Variants in HS3ST2 observed in about 807,000 individuals in gnomAD.
HS3ST2 encodes the protein heparan sulfate-glucosamine 3-sulfotransferase 2, also known as heparan sulfate glucosamine 3-O-sulfotransferase 2.
Under a neutral mutation model 26.3 loss-of-function variants are expected in HS3ST2, and 17 were observed. The ratio of observed to expected loss-of-function variants is 0.65; its 90% confidence interval spans 0.44 to 0.97. The LOEUF (loss-of-function observed/expected upper bound fraction) is 0.97, where lower values mean the gene tolerates loss of function less well. Among genes scored for constraint, HS3ST2 ranks in the 50% least tolerant of loss-of-function variants. The pLI, the probability that HS3ST2 is intolerant of heterozygous loss-of-function variation, is 0.00. For synonymous variants in HS3ST2, 237 were observed against 219.2 expected (o/e 1.08, Z -0.72); for missense variants, 402 against 501.2 (o/e 0.80, Z 1.89).
intron 1 of HS3ST2, among the ~76,000 whole-genome samples, chr16:22,870,518 A>G (rs1259337685): frequency 6.6e-6 from 1 of 152,070 alleles, no homozygotes; most frequent in African/African-American, 2.4e-5. Context: ...TGAAGTCCTT[A>G]TACAGCCTCC....
Position 22,915,686 on chromosome 16 carries a change from C to A in HS3ST2, c.*124C>A. ...CAGCCCCCTTTCCCAACTTGAGTTG[C>A]ATCATCTTGGAACCAGGAAGCCCAG... On this transcript the variant is annotated 3_prime_UTR_variant, in exon 2 of 2. Coordinates refer to ENST00000261374, the MANE Select transcript of HS3ST2 (RefSeq NM_006043.2). 1 of 1,075,702 alleles carries A rather than the reference C, an allele frequency of 9.3e-7. No homozygotes were observed. The highest frequency in any genetic ancestry group is 1.3e-6 in the Non-Finnish European group (1 of 742,940). The allele number at this position is 1,075,702 out of a possible 1,614,324, so 66.6% of individuals were successfully genotyped here. A position where few individuals can be genotyped will look rare whatever the true frequency, so the allele number is the denominator to read the frequency against.
chr16:22,859,381 G>A (rs1901645486), intron 1 of HS3ST2, among the ~76,000 whole-genome samples: 1 of 152,156 alleles, frequency 6.6e-6, no homozygotes, highest in Non-Finnish European at 1.5e-5. Flanking sequence ...GATACTTTAG[G>A]AAAGATATTG....
chr16:22,836,954 A>T (rs1230775591), intron 1 of HS3ST2, among the ~76,000 whole-genome samples: 1 of 152,144 alleles, frequency 6.6e-6, no homozygotes, highest in African/African-American at 2.4e-5. Flanking sequence ...CACCATGCCC[A>T]GCCAGGACAA....
chr16:22,873,551 G>C (rs1901867559), intron 1 of HS3ST2, among the ~76,000 whole-genome samples: 3 of 152,174 alleles, frequency 2.0e-5, no homozygotes, highest in Admixed American at 1.3e-4. Context: ...CACTGTCTTT[G>C]TTAAACTTTA....
intron 1 of HS3ST2, among the ~76,000 whole-genome samples, chr16:22,914,581 T>C (rs1382947076): frequency 3.3e-5 from 5 of 150,478 alleles, no homozygotes; most frequent in African/African-American, 1.2e-4. Flanking sequence ...GGCACACACC[T>C]GTAGTCCCAG....
chr16:22,856,615 T>G (rs1196782968), intron 1 of HS3ST2, among the ~76,000 whole-genome samples: 1 of 152,168 alleles, frequency 6.6e-6, no homozygotes, highest in African/African-American at 2.4e-5. Flanking sequence ...GTTTTGAGCA[T>G]TTCTGATGGG....
chr16:22,892,587 CTT>C (rs538929442), intron 1 of HS3ST2, among the ~76,000 whole-genome samples: 193 of 152,220 alleles, frequency 1.3e-3, no homozygotes, highest in African/African-American at 4.5e-3. Context: ...TTATGTTACA[CTT>C]AGGTTGTTTC....
chr16:22,896,909 T>C (rs1596630037), intron 1 of HS3ST2, among the ~76,000 whole-genome samples: 1 of 152,168 alleles, frequency 6.6e-6, no homozygotes, highest in Non-Finnish European at 1.5e-5. Context: ...TGGGCTCAAG[T>C]GATCCTCCCA....
intron 1 of HS3ST2, among the ~76,000 whole-genome samples, chr16:22,906,560 C>G (rs1268277552): frequency 6.6e-6 from 1 of 152,166 alleles, no homozygotes; most frequent in South Asian, 2.1e-4. Flanking sequence ...GGGCTAGAGA[C>G]AGTGTACAGG....
chr16:22,895,070 C>CTTTT (rs55861016), intron 1 of HS3ST2, among the ~76,000 whole-genome samples: 2 of 134,718 alleles, frequency 1.5e-5, no homozygotes, highest in Non-Finnish European at 3.2e-5. Context: ...TTCTTTCTTT[C>CTTTT]TTTTTTTTTT....
At position 22,892,156 on chromosome 16, in the gene HS3ST2, G is replaced by A. The variant is rs368251459; in HGVS notation, c.486-22788G>A. ...ATACAAAAAGTTAGCCGGGCGTGGTGGCAGGTGCCTATAGTCCCAGCTACT... is the reference window on the plus strand; with the variant it reads ...ATACAAAAAGTTAGCCGGGCGTGGTAGCAGGTGCCTATAGTCCCAGCTACT... On this transcript the variant is annotated intron_variant, in intron 1 of 1. Coordinates refer to ENST00000261374, the MANE Select transcript of HS3ST2 (RefSeq NM_006043.2). Among the ~76,000 whole-genome samples, 908 of 151,700 alleles carry A rather than the reference G, an allele frequency of 6.0e-3. 11 individuals are homozygous for A. Among genetic ancestry groups the A allele is most frequent in the African/African-American group, 0.021 (861 of 41,396 alleles).
chr16:22,907,410 T>C (rs1459797496), intron 1 of HS3ST2, among the ~76,000 whole-genome samples: 1 of 152,086 alleles, frequency 6.6e-6, no homozygotes, highest in Non-Finnish European at 1.5e-5. Context: ...CAGAATGAAT[T>C]GAAATGGGAA....
intron 1 of HS3ST2, among the ~76,000 whole-genome samples, chr16:22,879,054 G>A (rs1008880970): frequency 6.6e-5 from 10 of 152,214 alleles, no homozygotes; most frequent in African/African-American, 2.4e-4. Context: ...TCAGCTGGCC[G>A]CTTCATGCTC....
chr16:22,849,428 C>CGG (rs970216401), intron 1 of HS3ST2, among the ~76,000 whole-genome samples: 1 of 151,788 alleles, frequency 6.6e-6, no homozygotes, highest in African/African-American at 2.4e-5. Flanking sequence ...ATCTTTTTTG[C>CGG]GGGGGGGTAT....
At chr16:22,824,275 G>A (rs4783492) in intron 1 of HS3ST2, among the ~76,000 whole-genome samples, 19,457 of 152,224 alleles carry the variant, frequency 0.13, 1,339 homozygotes, top group Middle Eastern at 0.18. Context: ...TGGGCTGGGC[G>A]TGGTGGCTCA....
intron 1 of HS3ST2, among the ~76,000 whole-genome samples, chr16:22,883,086 C>T (rs1480171563): frequency 2.0e-5 from 3 of 151,682 alleles, no homozygotes; most frequent in Non-Finnish European, 4.4e-5. Context: ...TATCTGTATA[C>T]TCCATTTGGG....
chr16:22,833,853 G>A (rs757494738), intron 1 of HS3ST2, among the ~76,000 whole-genome samples: 23 of 151,322 alleles, frequency 1.5e-4, no homozygotes, highest in Non-Finnish European at 2.9e-4. Context: ...AGATATTCAC[G>A]TGGCAGAATC....
chr16:22,858,818 A>G (rs977579527), intron 1 of HS3ST2, among the ~76,000 whole-genome samples: 2 of 152,180 alleles, frequency 1.3e-5, no homozygotes, highest in Non-Finnish European at 2.9e-5. Flanking sequence ...ATTGCAAAGT[A>G]CTATATCAGT....
At chr16:22,911,680 C>T (rs977019263) in intron 1 of HS3ST2, among the ~76,000 whole-genome samples, 5 of 152,156 alleles carry the variant, frequency 3.3e-5, no homozygotes, top group South Asian at 2.1e-4. Flanking sequence ...TTCAGGTCAC[C>T]GTATTTCCTG....
Sources: allele counts gnomAD v4.1 joint callset (sites outside exome capture counted in the v4.1 genomes callset), GRCh38; gene constraint gnomAD v4.1.1; transcripts MANE v1.5; gene names NCBI Gene and HGNC (gene_info 2026-07-23, HGNC 2026-07-21).